Variants in NLK observed in about 807,000 individuals in gnomAD.
NLK encodes nemo like kinase, also known as serine/threonine-protein kinase NLK.
A neutral mutation model predicts 59.0 loss-of-function variants in NLK; 11 were observed. The observed-to-expected ratio is 0.19, with a 90% CI of 0.12 to 0.31. The LOEUF (loss-of-function observed/expected upper bound fraction) is 0.31, where lower values mean the gene tolerates loss of function less well. Ranked by LOEUF, NLK falls within the 10% of genes least tolerant of loss-of-function variation. The pLI is 1.00. For missense variants in NLK, 410 were observed against 661.1 expected (o/e 0.62, Z 4.16); for synonymous variants, 235 against 235.9 (o/e 1.00, Z 0.03).
At chr17:28,091,006 A>G (rs1215896441) in intron 1 of NLK, among the ~76,000 whole-genome samples, 1 of 152,134 alleles carries the variant, frequency 6.6e-6, no homozygotes, top group African/African-American at 2.4e-5. Context: ...GCTTATATTC[A>G]TATAGTGGAA....
the NLK span, among the ~76,000 whole-genome samples, chr17:28,205,739 TA>T: frequency 5.3e-5 from 8 of 151,662 alleles, no homozygotes; most frequent in East Asian, 1.9e-4. Flanking sequence ...ATATTTAGCT[TA>T]AAAAAAAATC....
intron 7 of NLK, among the ~76,000 whole-genome samples, chr17:28,183,609 G>A (rs1018195204): frequency 2.0e-5 from 3 of 152,146 alleles, no homozygotes; most frequent in Admixed American, 6.5e-5. Context: ...GATTACAAAC[G>A]TAAGCCACCG....
At chr17:28,049,992 ATAT>A (rs1178233654) in intron 1 of NLK, among the ~76,000 whole-genome samples, 1 of 152,162 alleles carries the variant, frequency 6.6e-6, no homozygotes, top group Admixed American at 6.5e-5. Context: ...AAAAATATAT[ATAT>A]TATTTTCACT....
intron 1 of NLK, among the ~76,000 whole-genome samples, chr17:28,088,474 A>G (rs560918950): frequency 1.3e-5 from 2 of 152,276 alleles, no homozygotes; most frequent in African/African-American, 4.8e-5. Flanking sequence ...TGATGGGATA[A>G]ATGCATAATT....
At position 28,043,244 on chromosome 17, in the gene NLK, A is replaced by C; in HGVS notation, c.371A>C (p.His124Pro). ...GCCGCAGCTGCTACAGTTAAGGCGC[A>C]CCATCATCAGCACTCGCATCATCCA... ...QAAAAATVKA[H>P]HHQHSHHPQQ... Residue 124 changes from histidine (H) to proline (P), a missense_variant, in exon 1 of 11, where the codon CAC becomes CCC. Physicochemically the swap from His to Pro is moderately conservative, Grantham distance 77. This residue lies in a region of NLK where 160 missense variants were observed against 171.0 expected (regional missense o/e 0.94). Transcript: ENST00000407008. 3 of 1,613,892 alleles carry C rather than the reference A, an allele frequency of 1.9e-6. No homozygotes were observed. The highest frequency in any genetic ancestry group is 1.7e-6 in the Non-Finnish European group (2 of 1,179,860).
chr17:28,160,283 AGTT>A (rs1907951204), intron 3 of NLK, among the ~76,000 whole-genome samples: 1 of 152,210 alleles, frequency 6.6e-6, no homozygotes, highest in Non-Finnish European at 1.5e-5. Context: ...AACAATTTTT[AGTT>A]GTTTTGTCAA....
intron 1 of NLK, among the ~76,000 whole-genome samples, chr17:28,109,479 C>T (rs1905371234): frequency 1.3e-5 from 2 of 152,152 alleles, no homozygotes; most frequent in Admixed American, 6.5e-5. Context: ...CACTACCACT[C>T]AATTTTAGAA....
intron 7 of NLK, among the ~76,000 whole-genome samples, chr17:28,175,315 G>A (rs569890068): frequency 2.0e-4 from 31 of 152,020 alleles, no homozygotes; most frequent in African/African-American, 1.9e-4. Context: ...TTAGCCAGGC[G>A]TGGTGGCAGG....
chr17:28,082,964 G>C (rs1273330181), intron 1 of NLK, among the ~76,000 whole-genome samples: 1 of 152,098 alleles, frequency 6.6e-6, no homozygotes, highest in Non-Finnish European at 1.5e-5. Flanking sequence ...AAAGTATTTT[G>C]GTTGGTCATA....
intron 1 of NLK, among the ~76,000 whole-genome samples, chr17:28,078,995 T>C (rs1409874525): frequency 6.6e-6 from 1 of 152,192 alleles, no homozygotes; most frequent in Non-Finnish European, 1.5e-5. Flanking sequence ...AACTTTTTCA[T>C]CTTGCAAAAC....
Position 28,058,893 on chromosome 17 carries a change from A to G in NLK, c.458+15562A>G, listed in dbSNP as rs368730714. On this transcript the variant is annotated intron_variant, in intron 1 of 10. Coordinates refer to ENST00000407008, the MANE Select transcript of NLK (RefSeq NM_016231.5). ...GTAATCCCAGCACTTTGGGAGGCCA[A>G]GGCAGGTGGATTGCTTGAGCTCACG... Among the ~76,000 whole-genome samples the G allele has an allele frequency of 9.8e-5, 15 of 152,310 alleles. No homozygotes were observed. The East Asian group carries it at 2.5e-3, about 25-fold the overall frequency.
At chr17:28,203,915 G>C in the NLK span, among the ~76,000 whole-genome samples, 433 of 152,298 alleles carry the variant, frequency 2.8e-3, 4 homozygotes, top group African/African-American at 9.9e-3. Flanking sequence ...ATATCAGAGA[G>C]AAAATGAGAA....
intron 1 of NLK, among the ~76,000 whole-genome samples, chr17:28,112,285 C>T (rs1905557245): frequency 6.6e-6 from 1 of 151,980 alleles, no homozygotes; most frequent in South Asian, 2.1e-4. Context: ...ATGCTTTGAC[C>T]CCACATTGCT....
chr17:28,065,177 G>A (rs575291852), intron 1 of NLK, among the ~76,000 whole-genome samples: 2 of 152,128 alleles, frequency 1.3e-5, no homozygotes, highest in East Asian at 3.9e-4. Flanking sequence ...GGATACCAAG[G>A]GCCTCAGTTT....
chr17:28,084,094 T>A (rs1430320323), intron 1 of NLK, among the ~76,000 whole-genome samples: 1 of 152,188 alleles, frequency 6.6e-6, no homozygotes, highest in African/African-American at 2.4e-5. Context: ...TATAGTGGGT[T>A]TAACGCTGGA....
chr17:28,044,356 A>G (rs1380450184), intron 1 of NLK, among the ~76,000 whole-genome samples: 1 of 152,190 alleles, frequency 6.6e-6, no homozygotes, highest in Non-Finnish European at 1.5e-5. Flanking sequence ...ACTCTTTGGA[A>G]CTAGCCCGGT....
chr17:28,132,541 T>C, intron 2 of NLK, 79 bp from the exon 3 acceptor site: 1 of 1,020,512 alleles, frequency 9.8e-7, no homozygotes, highest in East Asian at 2.6e-5. Flanking sequence ...TAAAGAGTTG[T>C]TAGTATTTAC....
downstream of NLK, among the ~76,000 whole-genome samples, chr17:28,197,416 C>T (rs890312819): frequency 6.6e-5 from 10 of 150,562 alleles, no homozygotes; most frequent in East Asian, 2.0e-3. Flanking sequence ...TTGCAGTGAG[C>T]TGAGATCGTG....
At chr17:28,083,017 A>G (rs983054194) in intron 1 of NLK, among the ~76,000 whole-genome samples, 3 of 152,208 alleles carry the variant, frequency 2.0e-5, no homozygotes, top group African/African-American at 4.8e-5. Context: ...TAATAGTCAC[A>G]TGGTTTAGAA....
Sources: allele counts gnomAD v4.1 joint callset (sites outside exome capture counted in the v4.1 genomes callset), GRCh38; gene constraint gnomAD v4.1.1; regional missense constraint gnomAD v4.1.1; transcripts MANE v1.5; gene names NCBI Gene and HGNC (gene_info 2026-07-23, HGNC 2026-07-21).